BANP: variants seen among roughly 807,000 people sequenced by gnomAD.
BANP encodes the protein BTG3 associated nuclear protein, also known as protein BANP.
In BANP, 11 loss-of-function variants were observed where a neutral mutation model predicts 68.1. The ratio of observed to expected loss-of-function variants is 0.16; its 90% CI spans 0.10 to 0.27. BANP has a LOEUF of 0.27. BANP is among the 10% of genes least tolerant of loss of function. The pLI is 1.00. For missense variants in BANP, 504 were observed against 722.7 expected (o/e 0.70, Z 3.47); for synonymous variants, 329 against 303.2 (o/e 1.09, Z -0.88).
At chr16:88,029,206 T>C (rs12149427) in intron 8 of BANP, among the ~76,000 whole-genome samples, 139,648 of 150,736 alleles carry the variant, frequency 0.93, 65,571 homozygotes, top group East Asian at 1. Context: ...ACTTGGGAGG[T>C]TGAGGCAGGA....
At chr16:88,022,272 G>A (rs1224770421) in intron 7 of BANP, among the ~76,000 whole-genome samples, 2 of 152,252 alleles carry the variant, frequency 1.3e-5, no homozygotes, top group Admixed American at 1.3e-4. Context: ...CATCCAAGCC[G>A]GTGACCCCGG....
chr16:88,047,269 A>G (rs2082246374), intron 11 of BANP, among the ~76,000 whole-genome samples: 1 of 152,058 alleles, frequency 6.6e-6, no homozygotes, highest in Non-Finnish European at 1.5e-5. Flanking sequence ...CCAAAGTAAG[A>G]TACCACCAGG....
At position 88,033,137 on chromosome 16, in the gene BANP, C is replaced by T. The variant is rs762400820; in HGVS notation, c.1092C>T (p.Ala364=). Residue 364 remains alanine (A), a synonymous_variant, in exon 9 of 14, where the codon GCC becomes GCT. Transcript: ENST00000682872. ...SEPMMSTPPP[A]SELPQPQPQP... is the part of the protein sequence containing the mutation. ...CGATGATGAGCACCCCACCTCCTGC[C>T]AGCGAGCTCCCGCAGCCACAGCCGC... 1 of 1,608,752 alleles carries T rather than the reference C, an allele frequency of 6.2e-7. No homozygotes were observed. Among genetic ancestry groups the T allele is most frequent in the South Asian group, 1.1e-5 (1 of 90,756 alleles).
chr16:87,992,328 A>T (rs563111043), intron 4 of BANP, among the ~76,000 whole-genome samples: 2 of 151,918 alleles, frequency 1.3e-5, no homozygotes, highest in Non-Finnish European at 2.9e-5. Flanking sequence ...TTTTTTTGCC[A>T]TGTCTTTTTG....
intron 11 of BANP, among the ~76,000 whole-genome samples, chr16:88,040,267 T>C (rs11861345): frequency 0.012 from 1,884 of 151,778 alleles, 37 homozygotes; most frequent in African/African-American, 0.039. Flanking sequence ...TTTTTTTTTT[T>C]TTTTCCATCA....
chr16:88,013,261 C>T (rs1355586275), intron 6 of BANP, among the ~76,000 whole-genome samples: 1 of 152,254 alleles, frequency 6.6e-6, no homozygotes, highest in African/African-American at 2.4e-5. Flanking sequence ...CATGGGCTGG[C>T]TTAGCTGCTG....
chr16:88,013,263 T>C (rs9934525), intron 6 of BANP, among the ~76,000 whole-genome samples: 148,368 of 152,358 alleles, frequency 0.97, 72,344 homozygotes, highest in East Asian at 1. Flanking sequence ...TGGGCTGGCT[T>C]AGCTGCTGGG....
rs113241096 is a variant in BANP, at chr16:88,032,760, A to G, written c.1064-349A>G. On this transcript the variant is annotated intron_variant, in intron 8 of 13. Transcript: ENST00000682872. Reference sequence around the variant, plus strand: ...AGTGTGCGGATGAGACTTTTGCTCTATTAGTTTAATTACCCATGGACAAAT... The same window carrying G: ...AGTGTGCGGATGAGACTTTTGCTCTGTTAGTTTAATTACCCATGGACAAAT... Among the ~76,000 whole-genome samples, 668 of 152,352 alleles carry G rather than the reference A, an allele frequency of 4.4e-3. 5 individuals carry two copies. The highest frequency in any genetic ancestry group is 0.014 in the African/African-American group (602 of 41,580).
rs566142551 is a variant in BANP, at chr16:87,959,292, T to G, written c.-69+7777T>G. Among the ~76,000 whole-genome samples, 4 of 152,378 alleles carry G rather than the reference T, an allele frequency of 2.6e-5. No homozygotes were observed. In the East Asian group the frequency reaches 7.7e-4, roughly 29 times the overall value. Reference sequence around the variant, plus strand: ...CATGAAATATTGTTCTTTTGTTATTTTTCTGTTTTAAAATGTAAAACCCAT... The same window carrying G: ...CATGAAATATTGTTCTTTTGTTATTGTTCTGTTTTAAAATGTAAAACCCAT... On this transcript the variant is annotated intron_variant, in intron 1 of 13. Transcript: ENST00000682872.
intron 11 of BANP, among the ~76,000 whole-genome samples, chr16:88,052,446 C>G (rs1041920322): frequency 6.6e-6 from 1 of 152,080 alleles, no homozygotes; most frequent in Non-Finnish European, 1.5e-5. Context: ...AGACAGTAGA[C>G]AGGAGCTTTT....
rs1314539109 is a variant in BANP, at chr16:88,006,072, G to T, written c.480-18G>T. ...GGCTCTTACCACATCGGGCTGGTGT[G>T]TTTTTTTTCCCGTTTAGCGCTGTGC... On this transcript the variant is annotated intron_variant, in intron 5 of 13. Coordinates refer to ENST00000682872, the MANE Select transcript of BANP (RefSeq NM_001386991.1). 8.7e-6 allele frequency: 14 copies of T among 1,612,848 alleles called. No individual in the cohort carries two copies. Among genetic ancestry groups the T allele is most frequent in the African/African-American group, 1.3e-5 (1 of 74,894 alleles).
chr16:87,962,914 ACTT>A (rs1337888061), intron 1 of BANP, among the ~76,000 whole-genome samples: 11 of 152,264 alleles, frequency 7.2e-5, no homozygotes, highest in Admixed American at 5.9e-4. Context: ...ATAAAAGTTG[ACTT>A]CTTCATGTCA....
chr16:88,071,711 A>G lies in BANP; in HGVS notation c.1378-358A>G, dbSNP rs756874691. 2.9e-5 allele frequency: 15 copies of G among 512,164 alleles called. No individual in the cohort carries two copies. Among genetic ancestry groups the G allele is most frequent in the African/African-American group, 2.1e-4 (11 of 51,860 alleles). The allele number at this position is 512,164 out of a possible 1,614,324, so 31.7% of individuals were successfully genotyped here. ...CACTCTGGGAGCGCTTGTGCTCTTC[A>G]TGGTTGCCACTGGGATTTTCCAGGA... On this transcript the variant is annotated intron_variant, in intron 12 of 13. Coordinates refer to ENST00000682872, the MANE Select transcript of BANP (RefSeq NM_001386991.1). The surrounding 1 kb of genome is among the most constrained non-coding windows in gnomAD (Gnocchi z 6.5).
chr16:88,036,489 A>C lies in BANP; in HGVS notation c.1272+1095A>C, dbSNP rs527508909. 1.3e-5 allele frequency among the ~76,000 whole-genome samples: 2 copies of C among 152,070 alleles called. No individual in the cohort carries two copies. Among genetic ancestry groups the C allele is most frequent in the African/African-American group, 2.4e-5 (1 of 41,398 alleles). On this transcript the variant is annotated intron_variant, in intron 10 of 13. Coordinates refer to ENST00000682872, the MANE Select transcript of BANP (RefSeq NM_001386991.1). The surrounding 1 kb of genome is among the most constrained non-coding windows in gnomAD (Gnocchi z 4.2). ...CAAGTGCCCGTGAGCAAGACTGTGG[A>C]CACATGCACGCCGTGGCACGTGGAG...
At chr16:87,993,115 A>T (rs2066308582) in intron 4 of BANP, among the ~76,000 whole-genome samples, 1 of 152,172 alleles carries the variant, frequency 6.6e-6, no homozygotes, top group South Asian at 2.1e-4. Flanking sequence ...GGGAGGGAGG[A>T]CACGTAGGTG....
intron 1 of BANP, among the ~76,000 whole-genome samples, chr16:87,971,910 A>G (rs570395235): frequency 2.4e-4 from 37 of 152,140 alleles, no homozygotes; most frequent in African/African-American, 8.7e-4. Context: ...TTCCCACCTC[A>G]GCCTCCTGAG....
rs1378683349 is a variant in BANP at position 88,076,704 on chromosome 16, C to G, written c.*43C>G. 6.5e-7 allele frequency: 1 copy of G among 1,549,474 alleles called. No individual in the cohort carries two copies. Among genetic ancestry groups the G allele is most frequent in the East Asian group, 2.3e-5 (1 of 43,822 alleles). On this transcript the variant is annotated 3_prime_UTR_variant, in exon 14 of 14. Transcript: ENST00000682872. ...AGGAGCCCCTCGCCGGCTCCGCCTA[C>G]GGCCCGGCCCCCACGCGCCCTGCTC...
chr16:88,006,332 A>G (rs2071095623), intron 6 of BANP, 67 bp downstream of exon 6: 1 of 1,512,970 alleles, frequency 6.6e-7, no homozygotes, highest in African/African-American at 1.4e-5. Context: ...TGCCTTTTAG[A>G]AATTTTGTTG....
chr16:88,056,093 G>A (rs944582408), intron 11 of BANP, among the ~76,000 whole-genome samples: 2 of 152,302 alleles, frequency 1.3e-5, no homozygotes, highest in East Asian at 3.9e-4. Flanking sequence ...GGGAGGTGGG[G>A]CCCTGACTTA....
Sources: gnomAD v4.1 joint callset for allele counts (sites outside exome capture counted in the v4.1 genomes callset) on GRCh38, gnomAD v4.1.1 for gene constraint, Gnocchi (gnomAD v3.1) non-coding constraint, MANE v1.5 for transcripts, NCBI Gene and HGNC (gene_info 2026-07-23, HGNC 2026-07-21) for gene names.